The following PRDM2 variants were observed in gnomAD, a reference collection of about 807,000 sequenced individuals.
PRDM2 encodes PR/SET domain 2.
A neutral mutation model predicts 130.0 loss-of-function variants in PRDM2; 30 were observed. The ratio of observed to expected loss-of-function variants is 0.23; its 90% confidence interval spans 0.17 to 0.31. The LOEUF (loss-of-function observed/expected upper bound fraction) is 0.31. Ranked by LOEUF, PRDM2 falls within the 10% of genes least tolerant of loss-of-function variation. PRDM2 has a pLI of 1.00. For missense variants in PRDM2, 2,011 were observed against 2,108.4 expected (o/e 0.95, Z 0.90); for synonymous variants, 871 against 782.4 (o/e 1.11, Z -1.89).
intron 6 of PRDM2, among the ~76,000 whole-genome samples, chr1:13,757,450 G>A (rs942436290): frequency 6.6e-6 from 1 of 152,192 alleles, no homozygotes; most frequent in African/African-American, 2.4e-5. Flanking sequence ...GGATTATAGA[G>A]CTCTTTCATT....
Position 13,806,998 on chromosome 1 carries a change from C to G in PRDM2, c.5037-9429C>G, listed in dbSNP as rs537667668. Among the ~76,000 whole-genome samples the G allele has an allele frequency of 1.3e-5, 2 of 152,290 alleles. No homozygotes were observed. Among genetic ancestry groups the G allele is most frequent in the East Asian group, 3.9e-4 (2 of 5,184 alleles). On this transcript the variant is annotated intron_variant, in intron 8 of 9. Transcript: ENST00000311066. The surrounding 1 kb of genome is among the most constrained non-coding windows in gnomAD (Gnocchi z 4.1). ...CTGCCGTTTCCCATGTCACCTTTCC[C>G]TGTCTTCTCCTCCACTCTGACCTTC...
At chr1:13,776,029 G>A (rs959126939) in intron 7 of PRDM2, among the ~76,000 whole-genome samples, 1 of 152,044 alleles carries the variant, frequency 6.6e-6, no homozygotes, top group African/African-American at 2.4e-5. Context: ...CTTAATTCTT[G>A]TATTCTTCAG....
intron 8 of PRDM2, among the ~76,000 whole-genome samples, chr1:13,812,336 G>A (rs949933977): frequency 2.9e-4 from 44 of 152,282 alleles, no homozygotes; most frequent in African/African-American, 1.0e-3. Flanking sequence ...GCACAGCGGG[G>A]GGTCTCACAG....
chr1:13,818,675 G>T (rs748485078), intron 9 of PRDM2, among the ~76,000 whole-genome samples: 1 of 151,926 alleles, frequency 6.6e-6, no homozygotes, highest in Non-Finnish European at 1.5e-5. Flanking sequence ...GTGAGCCACC[G>T]CTCCCGGCTG....
At chr1:13,704,660 A>G (rs1008624812) in intron 1 of PRDM2, among the ~76,000 whole-genome samples, 1 of 152,182 alleles carries the variant, frequency 6.6e-6, no homozygotes, top group African/African-American at 2.4e-5. Flanking sequence ...AAACCCACAC[A>G]TTTTATATGT....
chr1:13,715,179 A>G (rs1642494095), intron 1 of PRDM2, among the ~76,000 whole-genome samples: 1 of 152,218 alleles, frequency 6.6e-6, no homozygotes, highest in Admixed American at 6.5e-5. Context: ...AGTATTGGTA[A>G]AAGAAAAAGA....
intron 2 of PRDM2, among the ~76,000 whole-genome samples, chr1:13,727,790 C>T (rs908019725): frequency 3.9e-5 from 6 of 152,164 alleles, no homozygotes; most frequent in African/African-American, 1.4e-4. Flanking sequence ...TTATTTTAGA[C>T]AAGATCAATC....
At chr1:13,794,154 A>G (rs561190533) in intron 8 of PRDM2, among the ~76,000 whole-genome samples, 1 of 152,152 alleles carries the variant, frequency 6.6e-6, no homozygotes, top group Non-Finnish European at 1.5e-5. Context: ...TTGAGGTTCT[A>G]CTGTTTTCAT....
At position 13,806,325 on chromosome 1, in the gene PRDM2, C is replaced by T. The variant is rs1160884567; in HGVS notation, c.5037-10102C>T. ...TCCGTCTCCGCTCCCCCTTGGTGATCTCATCCAGTCACATGCGTTAAATAC... is the reference window on the plus strand; with the variant it reads ...TCCGTCTCCGCTCCCCCTTGGTGATTTCATCCAGTCACATGCGTTAAATAC... On this transcript the variant is annotated intron_variant, in intron 8 of 9. Transcript: ENST00000311066. This position sits in a 1 kb window ranked among gnomAD's most constrained non-coding sequence, Gnocchi z 4.1. Among the ~76,000 whole-genome samples the T allele has an allele frequency of 6.6e-6, 1 of 152,158 alleles. No individual in the cohort carries two copies. Among genetic ancestry groups the T allele is most frequent in the Non-Finnish European group, 1.5e-5 (1 of 68,022 alleles).
chr1:13,786,537 CA>C (rs1390593130), intron 8 of PRDM2: 15 of 1,609,384 alleles, frequency 9.3e-6, no homozygotes, highest in Non-Finnish European at 1.2e-5. Flanking sequence ...GAAAAGCCCC[CA>C]AAACAAAACA....
At chr1:13,801,779 G>A (rs1338148555) in intron 8 of PRDM2, among the ~76,000 whole-genome samples, 1 of 152,222 alleles carries the variant, frequency 6.6e-6, no homozygotes. Context: ...ACCTGGTTTC[G>A]GGAAATGCTG....
chr1:13,789,217 T>G (rs150224518), intron 8 of PRDM2, among the ~76,000 whole-genome samples: 1 of 152,330 alleles, frequency 6.6e-6, no homozygotes, highest in African/African-American at 2.4e-5. Context: ...TTTTAAAAAA[T>G]CAAAAGCTAA....
intron 7 of PRDM2, among the ~76,000 whole-genome samples, chr1:13,774,250 G>A (rs1396421150): frequency 1.3e-5 from 2 of 152,218 alleles, no homozygotes; most frequent in African/African-American, 4.8e-5. Context: ...AGGGAAGGAG[G>A]TGTGTCTTAA....
chr1:13,744,484 G>A (rs1643544339), intron 5 of PRDM2, among the ~76,000 whole-genome samples: 1 of 152,156 alleles, frequency 6.6e-6, no homozygotes, highest in African/African-American at 2.4e-5. Context: ...GTCATGGTCA[G>A]GAGTGGGGAC....
At chr1:13,722,160 G>T (rs1321709328) in intron 2 of PRDM2, among the ~76,000 whole-genome samples, 1 of 152,062 alleles carries the variant, frequency 6.6e-6, no homozygotes, top group Non-Finnish European at 1.5e-5. Flanking sequence ...TGATTTCCTC[G>T]CCAACGTTTT....
chr1:13,760,001 G>A (rs6670001), intron 6 of PRDM2, among the ~76,000 whole-genome samples: 2,321 of 152,150 alleles, frequency 0.015, 33 homozygotes, highest in Admixed American at 0.035. Context: ...TTGTTAGGTG[G>A]GTCATGGGCT....
chr1:13,779,056 A>C lies in PRDM2; in HGVS notation c.1261A>C (p.Ser421Arg). The change falls in exon 8 of 10, where the codon AGC becomes CGC. Residue 421 changes from serine (S) to arginine (R), a missense_variant. Around this residue, in one of 5 missense-constraint regions of PRDM2, gnomAD observed 1,288 missense variants for 1,237.7 expected, o/e 1.04. Transcript: ENST00000311066. The surrounding 1 kb of genome is among the most constrained non-coding windows in gnomAD (Gnocchi z 4.9). Reference protein sequence around the residue: ...RHEAGLKRKPSQTLQPSEDLA... With the variant: ...RHEAGLKRKPRQTLQPSEDLA... ...TGAAGCAGGGTTAAAGCGGAAACCC[A>C]GCCAAACACTACAGCCGTCAGAGGA... The C allele has an allele frequency of 6.2e-7, 1 of 1,614,214 alleles. No homozygotes were observed. The highest frequency in any genetic ancestry group is 8.5e-7 in the Non-Finnish European group (1 of 1,180,038).
intron 6 of PRDM2, among the ~76,000 whole-genome samples, chr1:13,753,164 C>G (rs1643878553): frequency 6.6e-6 from 1 of 152,208 alleles, no homozygotes; most frequent in Admixed American, 6.5e-5. Context: ...AGGTTCTAAC[C>G]TATTGACCTC....
intron 3 of PRDM2, 52 bp downstream of exon 3, chr1:13,731,169 A>G: frequency 6.9e-7 from 1 of 1,446,698 alleles, no homozygotes; most frequent in South Asian, 1.2e-5. Flanking sequence ...AGCAGGTGGC[A>G]GTGAGGCTTC....
Sources: gnomAD v4.1 joint callset for allele counts (sites outside exome capture counted in the v4.1 genomes callset) on GRCh38, gnomAD v4.1.1 for gene constraint, gnomAD v4.1.1 regional missense constraint, Gnocchi (gnomAD v3.1) non-coding constraint, MANE v1.5 for transcripts, NCBI Gene and HGNC (gene_info 2026-07-23, HGNC 2026-07-21) for gene names.